AKAP6: variants seen among roughly 807,000 people sequenced by gnomAD.
The protein encoded by AKAP6 is A-kinase anchor protein 6.
Under a neutral mutation model 188.5 loss-of-function variants are expected in AKAP6, and 58 were observed. The ratio of observed to expected loss-of-function variants is 0.31; its 90% confidence interval spans 0.25 to 0.38. The LOEUF (loss-of-function observed/expected upper bound fraction) is 0.38, where lower values mean the gene tolerates loss of function less well. Among genes scored for constraint, AKAP6 ranks in the 10% least tolerant of loss-of-function variants. The pLI, the probability that AKAP6 is intolerant of heterozygous loss-of-function variation, is 1.00. For synonymous variants in AKAP6, 989 were observed against 998.6 expected (o/e 0.99, Z 0.18); for missense variants, 2,710 against 2,740.0 (o/e 0.99, Z 0.24).
Position 32,832,461 on chromosome 14 carries a change from G to C in AKAP6, c.*2656G>C, listed in dbSNP as rs971395740. The C allele has an allele frequency of 6.6e-6, 1 of 152,168 alleles. No homozygotes were observed. The highest frequency in any genetic ancestry group is 2.4e-5 in the African/African-American group (1 of 41,444). 9.4% of individuals were successfully genotyped at this position (152,168 alleles called of 1,614,324 possible). A position where few individuals can be genotyped will look rare whatever the true frequency, so the allele number is the denominator to read the frequency against. On this transcript the variant is annotated 3_prime_UTR_variant, in exon 14 of 14. Transcript: ENST00000280979. The stretch of plus-strand genomic sequence containing the variant: ...AGACCGTGCAGTATTGAAAGTATTT[G>C]TTAATTATCTGCTTAGTATTAACAC...
intron 7 of AKAP6, among the ~76,000 whole-genome samples, chr14:32,654,857 A>T (rs1287347510): frequency 6.7e-6 from 1 of 149,596 alleles, no homozygotes; most frequent in Non-Finnish European, 1.5e-5. Context: ...TCAGGAATAA[A>T]AAAAAAAAGT....
chr14:32,720,358 G>A (rs1175172187), intron 9 of AKAP6, among the ~76,000 whole-genome samples: 1 of 152,176 alleles, frequency 6.6e-6, no homozygotes, highest in Non-Finnish European at 1.5e-5. Context: ...GGTTTTAGTA[G>A]CTTAGAGATG....
intron 2 of AKAP6, among the ~76,000 whole-genome samples, chr14:32,526,157 T>G (rs1882113159): frequency 6.6e-6 from 1 of 152,134 alleles, no homozygotes. Flanking sequence ...CTTGACCTCC[T>G]GGGCTCAAGT....
chr14:32,535,259 G>A (rs1330371492), intron 2 of AKAP6, among the ~76,000 whole-genome samples: 1 of 152,150 alleles, frequency 6.6e-6, no homozygotes, highest in Middle Eastern at 3.2e-3. Context: ...AGAGAGCAGT[G>A]AATTGGAGAG....
chr14:32,754,319 T>C lies in AKAP6; in HGVS notation c.3372+18437T>C, dbSNP rs115407598. 3.0e-3 allele frequency among the ~76,000 whole-genome samples: 462 copies of C among 152,244 alleles called. 5 individuals are homozygous for C. Among genetic ancestry groups the C allele is most frequent in the African/African-American group, 0.01 (434 of 41,578 alleles). The stretch of plus-strand genomic sequence containing the variant: ...GTATAGCCACCCTGCTCTCTTTTGG[T>C]TACCATTTGCATGGAGTATGCAACT... On this transcript the variant is annotated intron_variant, in intron 11 of 13. Transcript: ENST00000280979.
intron 7 of AKAP6, among the ~76,000 whole-genome samples, chr14:32,657,846 A>G (rs1271927006): frequency 6.6e-6 from 1 of 150,650 alleles, no homozygotes; most frequent in Non-Finnish European, 1.5e-5. Context: ...AATAAAAAAA[A>G]TCTATACAGC....
chr14:32,784,453 A>C (rs886645242), intron 12 of AKAP6, among the ~76,000 whole-genome samples: 1 of 152,162 alleles, frequency 6.6e-6, no homozygotes, highest in Non-Finnish European at 1.5e-5. Context: ...GAATCTGCAA[A>C]ATTGCTAACA....
intron 11 of AKAP6, among the ~76,000 whole-genome samples, chr14:32,752,145 A>C (rs2032162987): frequency 6.6e-6 from 1 of 152,200 alleles, no homozygotes; most frequent in African/African-American, 2.4e-5. Context: ...AACCAAAGGG[A>C]AATTGTAGAT....
intron 2 of AKAP6, among the ~76,000 whole-genome samples, chr14:32,439,800 G>A (rs368867267): frequency 1.9e-4 from 29 of 152,138 alleles, no homozygotes; most frequent in African/African-American, 6.5e-4. Flanking sequence ...CTGGCTCGGT[G>A]GATTCTGATC....
At chr14:32,418,786 A>C (rs1889744099) in intron 1 of AKAP6, among the ~76,000 whole-genome samples, 1 of 152,194 alleles carries the variant, frequency 6.6e-6, no homozygotes. Context: ...ATAAATAATT[A>C]TTTAAAAAGA....
chr14:32,472,783 C>T (rs987926878), intron 2 of AKAP6, among the ~76,000 whole-genome samples: 5 of 152,116 alleles, frequency 3.3e-5, no homozygotes, highest in African/African-American at 1.2e-4. Flanking sequence ...TCTGGTCTGC[C>T]ACCATCACCA....
At chr14:32,400,326 G>A (rs2138612247) in intron 1 of AKAP6, among the ~76,000 whole-genome samples, 1 of 151,060 alleles carries the variant, frequency 6.6e-6, no homozygotes, top group South Asian at 2.1e-4. Flanking sequence ...CCTACCTTGT[G>A]GCCACTCCAT....
chr14:32,784,136 A>G (rs1042751200), intron 12 of AKAP6, among the ~76,000 whole-genome samples: 2 of 152,210 alleles, frequency 1.3e-5, no homozygotes, highest in African/African-American at 4.8e-5. Flanking sequence ...AAAAGGCGTA[A>G]GCAAGCACTT....
intron 7 of AKAP6, among the ~76,000 whole-genome samples, chr14:32,652,121 A>T (rs17099417): frequency 0.017 from 2,524 of 152,194 alleles, 77 homozygotes; most frequent in African/African-American, 0.055. Flanking sequence ...ACTCTAGAAG[A>T]CTGCTAGTTT....
intron 2 of AKAP6, among the ~76,000 whole-genome samples, chr14:32,455,906 A>G (rs1194591125): frequency 6.6e-6 from 1 of 152,182 alleles, no homozygotes; most frequent in Non-Finnish European, 1.5e-5. Context: ...TGCCTAGATA[A>G]ATGGGTTGGG....
chr14:32,535,516 A>C, intron 2 of AKAP6, 38 bp from the exon 3 acceptor site: 1 of 1,590,234 alleles, frequency 6.3e-7, no homozygotes, highest in Non-Finnish European at 8.6e-7. Context: ...AGGATAAGGC[A>C]AAGTAGTCCT....
At chr14:32,749,145 A>G (rs536668611) in intron 11 of AKAP6, among the ~76,000 whole-genome samples, 1 of 152,184 alleles carries the variant, frequency 6.6e-6, no homozygotes, top group Non-Finnish European at 1.5e-5. Context: ...CCTATGACCT[A>G]GGACTTTCAG....
chr14:32,649,096 A>T (rs1056618727), intron 7 of AKAP6, among the ~76,000 whole-genome samples: 1 of 152,140 alleles, frequency 6.6e-6, no homozygotes, highest in Non-Finnish European at 1.5e-5. Context: ...TTCGGGTCTC[A>T]TAGAGATTCA....
chr14:32,513,896 C>T (rs1407711939), intron 2 of AKAP6, among the ~76,000 whole-genome samples: 2 of 152,166 alleles, frequency 1.3e-5, no homozygotes, highest in Non-Finnish European at 1.5e-5. Context: ...TGAACATCTT[C>T]TGATGCGATT....
Sources: gnomAD v4.1 joint callset for allele counts (sites outside exome capture counted in the v4.1 genomes callset) on GRCh38, gnomAD v4.1.1 for gene constraint, MANE v1.5 for transcripts, NCBI Gene and HGNC (gene_info 2026-07-23, HGNC 2026-07-21) for gene names.